The following FER variants were observed in gnomAD, a reference collection of about 807,000 sequenced individuals.
FER encodes tyrosine-protein kinase Fer.
Under a neutral mutation model 111.0 loss-of-function variants are expected in FER, and 63 were observed. The ratio of observed to expected loss-of-function variants is 0.57; its 90% CI spans 0.46 to 0.70. The LOEUF is 0.70. Among genes scored for constraint, FER ranks in the 30% least tolerant of loss-of-function variants. The pLI, the probability that FER is intolerant of heterozygous loss-of-function variation, is 0.00. For missense variants in FER, 914 were observed against 954.0 expected (o/e 0.96, Z 0.55); for synonymous variants, 327 against 313.9 (o/e 1.04, Z -0.44).
At chr5:108,914,225 GTCTC>G (rs200823666) in intron 10 of FER, among the ~76,000 whole-genome samples, 1 of 135,304 alleles carries the variant, frequency 7.4e-6, no homozygotes, top group African/African-American at 3.0e-5. Flanking sequence ...TGCTTAACTT[GTCTC>G]TCTGTGTGTG....
intron 9 of FER, among the ~76,000 whole-genome samples, chr5:108,888,867 T>G (rs1747580078): frequency 6.6e-6 from 1 of 151,812 alleles, no homozygotes; most frequent in Non-Finnish European, 1.5e-5. Context: ...TTTAAAATGT[T>G]AGGACTAGAG....
intron 13 of FER, among the ~76,000 whole-genome samples, chr5:109,023,561 C>T (rs1252796670): frequency 6.6e-6 from 1 of 152,082 alleles, no homozygotes; most frequent in African/African-American, 2.4e-5. Flanking sequence ...CCTTTGCCTG[C>T]TTTCAGTCTC....
At chr5:108,788,370 C>T (rs1174232661) in intron 2 of FER, among the ~76,000 whole-genome samples, 1 of 152,096 alleles carries the variant, frequency 6.6e-6, no homozygotes, top group Non-Finnish European at 1.5e-5. Context: ...TCACCCTTGG[C>T]ATGTGTGGGA....
chr5:108,842,497 C>A (rs555399050), intron 5 of FER: 3 of 151,978 alleles, frequency 2.0e-5, no homozygotes, highest in African/African-American at 2.4e-5. Context: ...ATACACCTAA[C>A]AAAGGACTAA....
chr5:109,108,603 A>G (rs1275802079), intron 17 of FER, among the ~76,000 whole-genome samples: 1 of 152,138 alleles, frequency 6.6e-6, no homozygotes, highest in Non-Finnish European at 1.5e-5. Context: ...GCAGGAGATC[A>G]ATCTCAGTAC....
At chr5:108,868,492 T>A (rs536637027) in intron 6 of FER, among the ~76,000 whole-genome samples, 3 of 152,210 alleles carry the variant, frequency 2.0e-5, no homozygotes, top group Non-Finnish European at 4.4e-5. Context: ...AATGGACACA[T>A]GTTTATCACA....
chr5:108,992,339 A>G (rs913611465), intron 13 of FER, among the ~76,000 whole-genome samples: 9 of 152,292 alleles, frequency 5.9e-5, no homozygotes, highest in East Asian at 3.9e-4. Flanking sequence ...CCCCCTTTCT[A>G]TTCTACAAAA....
chr5:108,853,133 T>A (rs1334122893), intron 5 of FER, among the ~76,000 whole-genome samples: 5 of 152,190 alleles, frequency 3.3e-5, no homozygotes, highest in African/African-American at 1.2e-4. Context: ...GAGGGTAGAA[T>A]TGATAATATA....
intron 14 of FER, among the ~76,000 whole-genome samples, chr5:109,039,986 T>G (rs1770926818): frequency 6.6e-6 from 1 of 152,036 alleles, no homozygotes; most frequent in Non-Finnish European, 1.5e-5. Flanking sequence ...GTGGTGGTGG[T>G]GTGAAGTAGT....
Position 108,947,401 on chromosome 5 carries a change from G to A in FER, c.1329+1179G>A, listed in dbSNP as rs145856981. On this transcript the variant is annotated intron_variant, in intron 11 of 19. Coordinates refer to ENST00000281092, the MANE Select transcript of FER (RefSeq NM_005246.4). ...TCATGTTACAGGCATTCTAGTGGGCGTGAAGTAGTATCTTACTGTAGTTTT... is the reference window on the plus strand; with the variant it reads ...TCATGTTACAGGCATTCTAGTGGGCATGAAGTAGTATCTTACTGTAGTTTT... 2.8e-3 allele frequency among the ~76,000 whole-genome samples: 431 copies of A among 152,094 alleles called. 3 individuals are homozygous for A. The highest frequency in any genetic ancestry group is 9.8e-3 in the African/African-American group (407 of 41,554).
At chr5:108,854,288 C>T (rs1483034472) in intron 5 of FER, among the ~76,000 whole-genome samples, 1 of 152,200 alleles carries the variant, frequency 6.6e-6, no homozygotes, top group African/African-American at 2.4e-5. Flanking sequence ...CAGGTATCTT[C>T]TCTTAAAGGG....
intron 13 of FER, among the ~76,000 whole-genome samples, chr5:108,974,652 T>C (rs73211560): frequency 0.13 from 20,483 of 152,190 alleles, 1,982 homozygotes; most frequent in African/African-American, 0.27. Flanking sequence ...GGGGAGATAG[T>C]TCTGGATTAT....
At chr5:108,765,214 A>C (rs1218293039) in intron 1 of FER, among the ~76,000 whole-genome samples, 1 of 152,164 alleles carries the variant, frequency 6.6e-6, no homozygotes, top group African/African-American at 2.4e-5. Context: ...AAGGAATATA[A>C]TTTTTTTGAT....
intron 16 of FER, chr5:109,052,246 G>A: frequency 1.2e-6 from 2 of 1,606,168 alleles, no homozygotes; most frequent in Non-Finnish European, 8.5e-7. Context: ...ATGAGAGATT[G>A]GGAAAGACTT....
chr5:109,147,577 G>A (rs1046757596), intron 17 of FER, among the ~76,000 whole-genome samples: 121 of 151,998 alleles, frequency 8.0e-4, no homozygotes, highest in Non-Finnish European at 1.3e-3. Flanking sequence ...ACAATAGTAT[G>A]CCCATTTGTA....
intron 3 of FER, among the ~76,000 whole-genome samples, chr5:108,807,677 T>G (rs984952611): frequency 2.6e-5 from 4 of 152,204 alleles, no homozygotes; most frequent in Non-Finnish European, 4.4e-5. Flanking sequence ...GGGTTAGTTC[T>G]TGTTTTTCTT....
intron 13 of FER, among the ~76,000 whole-genome samples, chr5:108,989,714 G>A (rs1441074039): frequency 6.6e-6 from 1 of 151,828 alleles, no homozygotes; most frequent in Non-Finnish European, 1.5e-5. Flanking sequence ...GCATCTTGAT[G>A]ATTAGTATTA....
intron 15 of FER, among the ~76,000 whole-genome samples, chr5:109,046,521 A>G (rs1304546789): frequency 6.6e-6 from 1 of 152,134 alleles, no homozygotes; most frequent in Admixed American, 6.6e-5. Context: ...AGTAGATAAT[A>G]ATTTTTAAAA....
At chr5:109,164,540 T>C (rs1172403691) in intron 17 of FER, among the ~76,000 whole-genome samples, 1 of 152,208 alleles carries the variant, frequency 6.6e-6, no homozygotes, top group Admixed American at 6.5e-5. Flanking sequence ...CTGTATTGAA[T>C]TGTGTTTCTT....
Sources: allele counts gnomAD v4.1 joint callset (sites outside exome capture counted in the v4.1 genomes callset), GRCh38; gene constraint gnomAD v4.1.1; transcripts MANE v1.5; gene names NCBI Gene and HGNC (gene_info 2026-07-23, HGNC 2026-07-21).